Variants in SGIP1 observed in about 807,000 individuals in gnomAD.
The protein encoded by SGIP1 is SH3GL interacting endocytic adaptor 1.
Under a neutral mutation model 107.5 loss-of-function variants are expected in SGIP1, and 38 were observed. That is an observed-to-expected ratio of 0.35 (90% confidence interval 0.27 to 0.46). The LOEUF (loss-of-function observed/expected upper bound fraction) is 0.46. Ranked by LOEUF, SGIP1 falls within the 20% of genes least tolerant of loss-of-function variation. SGIP1 has a pLI of 1.00. For missense variants in SGIP1, 929 were observed against 1,019.5 expected (o/e 0.91, Z 1.21); for synonymous variants, 365 against 366.1 (o/e 1.00, Z 0.03).
At chr1:66,648,386 AAGTG>A (rs34773236) in intron 7 of SGIP1, among the ~76,000 whole-genome samples, 31 of 151,002 alleles carry the variant, frequency 2.1e-4, no homozygotes, top group Middle Eastern at 3.4e-3. Context: ...TAATGCTTGC[AAGTG>A]AGTGAGTGAG....
intron 17 of SGIP1, among the ~76,000 whole-genome samples, chr1:66,693,267 T>TAAAA (rs1343205128): frequency 5.3e-5 from 8 of 150,318 alleles, no homozygotes; most frequent in African/African-American, 2.0e-4. Flanking sequence ...AATAAATAAA[T>TAAAA]AAATAAATAA....
At chr1:66,621,364 C>G (rs1354181224) in intron 1 of SGIP1, among the ~76,000 whole-genome samples, 1 of 152,172 alleles carries the variant, frequency 6.6e-6, no homozygotes, top group Admixed American at 6.5e-5. Flanking sequence ...CCTTTCTTCC[C>G]CACTTGTTCC....
intron 1 of SGIP1, among the ~76,000 whole-genome samples, chr1:66,546,664 G>C (rs1395036689): frequency 2.6e-5 from 4 of 152,214 alleles, no homozygotes; most frequent in Non-Finnish European, 5.9e-5. Flanking sequence ...CTGATGAGGT[G>C]GTGAGAATTC....
rs142440058 is a variant in SGIP1 at position 66,700,984 on chromosome 1, T to C, written c.1630+5491T>C. 2.5e-3 allele frequency among the ~76,000 whole-genome samples: 385 copies of C among 152,322 alleles called. 3 individuals carry two copies. The highest frequency in any genetic ancestry group is 8.5e-3 in the African/African-American group (352 of 41,556). On this transcript the variant is annotated intron_variant, in intron 18 of 24. Coordinates refer to ENST00000371037, the MANE Select transcript of SGIP1 (RefSeq NM_032291.4). ...CATAATAGGAGCTACATTTTTTCTT[T>C]TTGGAGTTATATTATCTCTGTGAAA...
chr1:66,608,124 C>T (rs1284398244), intron 1 of SGIP1, among the ~76,000 whole-genome samples: 1 of 152,208 alleles, frequency 6.6e-6, no homozygotes, highest in East Asian at 1.9e-4. Context: ...CACTATCTAT[C>T]CATGCCATGT....
chr1:66,684,044 T>C, intron 15 of SGIP1: 2 of 1,544,000 alleles, frequency 1.3e-6, no homozygotes, highest in Non-Finnish European at 1.7e-6. Context: ...CTAAATGCTT[T>C]TTGTACATTA....
intron 18 of SGIP1, among the ~76,000 whole-genome samples, chr1:66,709,619 G>A (rs1486899253): frequency 2.0e-5 from 3 of 152,074 alleles, no homozygotes; most frequent in Admixed American, 6.6e-5. Flanking sequence ...CCCCTTTTGA[G>A]GTTTGCCCTT....
At chr1:66,611,468 G>T (rs1385206716) in intron 1 of SGIP1, among the ~76,000 whole-genome samples, 1 of 152,212 alleles carries the variant, frequency 6.6e-6, no homozygotes, top group Non-Finnish European at 1.5e-5. Context: ...TCACAGCCAG[G>T]GACTTTGTTT....
At chr1:66,601,045 C>T (rs2065696895) in intron 1 of SGIP1, among the ~76,000 whole-genome samples, 1 of 152,140 alleles carries the variant, frequency 6.6e-6, no homozygotes, top group Non-Finnish European at 1.5e-5. Context: ...CTTCGCTTTC[C>T]AGTACACACA....
chr1:66,741,044 G>C (rs1380234415), intron 23 of SGIP1, among the ~76,000 whole-genome samples: 1 of 152,040 alleles, frequency 6.6e-6, no homozygotes, highest in Non-Finnish European at 1.5e-5. Flanking sequence ...AAAATACAAG[G>C]GCTTCCAAGT....
At chr1:66,724,332 C>T (rs113888359) in intron 19 of SGIP1, among the ~76,000 whole-genome samples, 19 of 152,314 alleles carry the variant, frequency 1.2e-4, no homozygotes, top group African/African-American at 4.1e-4. Context: ...ATTTCCATCT[C>T]ACATTATTTC....
At chr1:66,636,142 TC>T in intron 4 of SGIP1, 127 bp downstream of exon 4, 1 of 841,474 alleles carries the variant, frequency 1.2e-6, no homozygotes, top group Non-Finnish European at 1.8e-6. Context: ...CTTAGGTATT[TC>T]CAAATGACTT....
chr1:66,632,458 C>A (rs747559226), intron 2 of SGIP1, among the ~76,000 whole-genome samples: 1 of 152,084 alleles, frequency 6.6e-6, no homozygotes, highest in Admixed American at 6.6e-5. Context: ...ATCTAGGAGG[C>A]AATTCAGGAC....
chr1:66,739,055 A>G (rs113387041), intron 21 of SGIP1, among the ~76,000 whole-genome samples: 2 of 152,166 alleles, frequency 1.3e-5, no homozygotes, highest in African/African-American at 4.8e-5. Context: ...GGGACTGTCT[A>G]GCTTCCTGGC....
At chr1:66,678,961 G>A (rs1029803162) in intron 13 of SGIP1, among the ~76,000 whole-genome samples, 1 of 152,176 alleles carries the variant, frequency 6.6e-6, no homozygotes, top group African/African-American at 2.4e-5. Flanking sequence ...GAAAGAGGAA[G>A]AAGAAATGAA....
intron 1 of SGIP1, among the ~76,000 whole-genome samples, chr1:66,615,040 C>T (rs1337376819): frequency 1.3e-5 from 2 of 151,838 alleles, no homozygotes; most frequent in East Asian, 3.9e-4. Context: ...AGGCTGGTCT[C>T]GAACTCCTGA....
intron 18 of SGIP1, among the ~76,000 whole-genome samples, chr1:66,711,430 C>T (rs17129371): frequency 0.023 from 3,452 of 152,252 alleles, 130 homozygotes; most frequent in African/African-American, 0.08. Context: ...TTCCAACATT[C>T]TTTCCCTTTG....
chr1:66,580,977 T>A (rs1322204023), intron 1 of SGIP1, among the ~76,000 whole-genome samples: 1 of 152,162 alleles, frequency 6.6e-6, no homozygotes, highest in African/African-American at 2.4e-5. Context: ...TGTTTGGATC[T>A]GTGCACTCTA....
intron 1 of SGIP1, among the ~76,000 whole-genome samples, chr1:66,584,709 T>A (rs1467336900): frequency 1.3e-5 from 2 of 152,180 alleles, no homozygotes; most frequent in African/African-American, 4.8e-5. Flanking sequence ...TGCACTATGT[T>A]TAATTAACAG....
Sources: gnomAD v4.1 joint callset for allele counts (sites outside exome capture counted in the v4.1 genomes callset) on GRCh38, gnomAD v4.1.1 for gene constraint, MANE v1.5 for transcripts, NCBI Gene and HGNC (gene_info 2026-07-23, HGNC 2026-07-21) for gene names.